Variants in CNBD1 observed in about 807,000 individuals in gnomAD.
CNBD1 encodes cyclic nucleotide binding domain containing 1, also known as cyclic nucleotide-binding domain-containing protein 1.
A neutral mutation model predicts 54.4 loss-of-function variants in CNBD1; 71 were observed. The observed-to-expected ratio is 1.30, with a 90% CI of 1.08 to 1.59. CNBD1 has a LOEUF of 1.59. Ranked by LOEUF, CNBD1 falls within the 40% of genes most tolerant of loss-of-function variation. CNBD1 has a pLI of 0.00. For missense variants in CNBD1, 659 were observed against 518.0 expected (o/e 1.27, Z -2.64); for synonymous variants, 182 against 170.7 (o/e 1.07, Z -0.51).
chr8:87,176,652 ATTT>A (rs1254470877), intron 4 of CNBD1, among the ~76,000 whole-genome samples: 1 of 134,864 alleles, frequency 7.4e-6, no homozygotes, highest in African/African-American at 2.7e-5. Context: ...GCCCGGCTAA[ATTT>A]TTTTTTTTTT....
At chr8:87,303,812 C>A (rs1809076493) in intron 8 of CNBD1, among the ~76,000 whole-genome samples, 1 of 151,618 alleles carries the variant, frequency 6.6e-6, no homozygotes, top group Non-Finnish European at 1.5e-5. Flanking sequence ...ACAACCCCAT[C>A]AACAAGTGGG....
chr8:87,040,245 A>G (rs1404383029), intron 4 of CNBD1, among the ~76,000 whole-genome samples: 1 of 152,184 alleles, frequency 6.6e-6, no homozygotes, highest in Non-Finnish European at 1.5e-5. Flanking sequence ...TTCTTCCCAT[A>G]GTTAATTTGG....
At chr8:87,088,686 T>G (rs1347691394) in intron 4 of CNBD1, among the ~76,000 whole-genome samples, 1 of 152,116 alleles carries the variant, frequency 6.6e-6, no homozygotes, top group Non-Finnish European at 1.5e-5. Context: ...ACTAAAAGGT[T>G]TCATTAATTC....
intron 6 of CNBD1, among the ~76,000 whole-genome samples, chr8:87,266,335 A>G (rs1808256985): frequency 6.6e-6 from 1 of 151,328 alleles, no homozygotes; most frequent in Non-Finnish European, 1.5e-5. Flanking sequence ...AAAACACAAA[A>G]TAAAGCTATA....
chr8:87,136,534 ATAT>A (rs1268624677), intron 4 of CNBD1, among the ~76,000 whole-genome samples: 1 of 116,048 alleles, frequency 8.6e-6, no homozygotes, highest in Non-Finnish European at 1.7e-5. Context: ...TATAAATTAT[ATAT>A]TATATTTATA....
chr8:86,962,576 G>A (rs1807958250), intron 4 of CNBD1, among the ~76,000 whole-genome samples: 1 of 152,058 alleles, frequency 6.6e-6, no homozygotes, highest in African/African-American at 2.4e-5. Flanking sequence ...ACGAGGTCAG[G>A]AGATCAAGAC....
downstream of CNBD1, among the ~76,000 whole-genome samples, chr8:87,385,569 G>A (rs1411642759): frequency 6.6e-6 from 1 of 151,996 alleles, no homozygotes; most frequent in Non-Finnish European, 1.5e-5. Flanking sequence ...GAGGCTGGGG[G>A]AGGGGCGCCC....
At chr8:86,953,966 G>C (rs1807692584) in intron 4 of CNBD1, among the ~76,000 whole-genome samples, 1 of 152,098 alleles carries the variant, frequency 6.6e-6, no homozygotes, top group Non-Finnish European at 1.5e-5. Flanking sequence ...GAAATGCTAG[G>C]GATTAGGAAA....
chr8:87,054,681 C>T lies in CNBD1; in HGVS notation c.431+114927C>T, dbSNP rs532052805. On this transcript the variant is annotated intron_variant, in intron 4 of 10. Transcript: ENST00000518476. The stretch of plus-strand genomic sequence containing the variant: ...TGGAAGTCCTGGTGCCAATACCCAG[C>T]AGGCTGTCAGGGACTGGAGTTAGTC... Among the ~76,000 whole-genome samples the T allele has an allele frequency of 3.3e-5, 5 of 152,316 alleles. No individual in the cohort carries two copies. In the East Asian group the frequency reaches 9.6e-4, roughly 29 times the overall value.
chr8:87,203,204 G>A (rs998065982), intron 4 of CNBD1, among the ~76,000 whole-genome samples: 1 of 152,124 alleles, frequency 6.6e-6, no homozygotes, highest in Non-Finnish European at 1.5e-5. Context: ...GACACATAGT[G>A]TTATAAATTT....
Position 86,990,095 on chromosome 8 carries a change from A to G in CNBD1, c.431+50341A>G, listed in dbSNP as rs1325655102. Among the ~76,000 whole-genome samples, 4 of 152,300 alleles carry G rather than the reference A, an allele frequency of 2.6e-5. No individual in the cohort carries two copies. In the East Asian group the frequency reaches 7.7e-4, roughly 29 times the overall value. On this transcript the variant is annotated intron_variant, in intron 4 of 10. Coordinates refer to ENST00000518476, the MANE Select transcript of CNBD1 (RefSeq NM_173538.3). ...TTCAAGTTTCTTATATATTTTGGTT[A>G]TTAATCCCATGTCAGATGGGTAGTT...
intron 4 of CNBD1, among the ~76,000 whole-genome samples, chr8:86,962,432 C>A (rs2130472619): frequency 6.6e-6 from 1 of 152,152 alleles, no homozygotes; most frequent in East Asian, 1.9e-4. Flanking sequence ...CATTTGAATT[C>A]TTGGAGGGGC....
At chr8:87,188,026 T>G (rs1365901682) in intron 4 of CNBD1, among the ~76,000 whole-genome samples, 4 of 152,194 alleles carry the variant, frequency 2.6e-5, no homozygotes, top group African/African-American at 9.6e-5. Flanking sequence ...TCCTCATTGC[T>G]CTCTCTGCTC....
chr8:87,413,668 T>G (rs1473135881), intron 2 of CNBD1, among the ~76,000 whole-genome samples: 1 of 151,914 alleles, frequency 6.6e-6, no homozygotes, highest in East Asian at 1.9e-4. Context: ...CTCAAACAAA[T>G]TTACAAGAAA....
chr8:87,007,935 G>T (rs777367960), intron 4 of CNBD1, among the ~76,000 whole-genome samples: 6 of 152,056 alleles, frequency 3.9e-5, no homozygotes, highest in Admixed American at 3.9e-4. Context: ...TCATGTATGG[G>T]TAATTATAAG....
chr8:87,181,048 C>T (rs1472073280), intron 4 of CNBD1, among the ~76,000 whole-genome samples: 1 of 152,140 alleles, frequency 6.6e-6, no homozygotes, highest in Non-Finnish European at 1.5e-5. Flanking sequence ...TTTCTTCCCC[C>T]AGAAACGTGC....
intron 4 of CNBD1, among the ~76,000 whole-genome samples, chr8:87,062,275 A>G (rs1209235271): frequency 6.6e-6 from 1 of 152,200 alleles, no homozygotes; most frequent in Admixed American, 6.5e-5. Flanking sequence ...TAGGCTTGAA[A>G]AAACAAAAGG....
intron 2 of CNBD1, among the ~76,000 whole-genome samples, chr8:87,412,604 C>T (rs1249898980): frequency 6.6e-6 from 1 of 152,008 alleles, no homozygotes; most frequent in African/African-American, 2.4e-5. Context: ...CTAATAGACA[C>T]TATGTTTTCA....
At chr8:87,180,559 G>C (rs1485372408) in intron 4 of CNBD1, among the ~76,000 whole-genome samples, 1 of 152,014 alleles carries the variant, frequency 6.6e-6, no homozygotes, top group Non-Finnish European at 1.5e-5. Flanking sequence ...TAACTCCGGA[G>C]GTGGTGTGAG....
Sources: allele counts gnomAD v4.1 joint callset (sites outside exome capture counted in the v4.1 genomes callset), GRCh38; gene constraint gnomAD v4.1.1; transcripts MANE v1.5; gene names NCBI Gene and HGNC (gene_info 2026-07-23, HGNC 2026-07-21).